Variants in RBM20 observed in about 807,000 individuals in gnomAD.
RBM20 encodes RNA-binding protein 20.
A neutral mutation model predicts 110.1 loss-of-function variants in RBM20; 51 were observed. The ratio of observed to expected loss-of-function variants is 0.46; its 90% CI spans 0.37 to 0.59. The LOEUF is 0.59. Among genes scored for constraint, RBM20 ranks in the 20% least tolerant of loss-of-function variants. The probability of loss-of-function intolerance (pLI) is 0.00; values close to 1 mark genes in which losing one functional copy is unlikely to be tolerated. For missense variants in RBM20, 1,512 were observed against 1,574.9 expected, an observed-to-expected ratio of 0.96 and a Z score of 0.68; for synonymous variants, 589 against 618.2, an observed-to-expected ratio of 0.95 and a Z score of 0.70.
rs567157671 is a variant in RBM20, at chr10:110,644,975, G to A, written c.191+330G>A. On this transcript the variant is annotated intron_variant, in intron 1 of 13. Transcript: ENST00000369519. This position sits in a 1 kb window ranked among gnomAD's most constrained non-coding sequence, Gnocchi z 4.3. ...CTGTATTTCATCTTTCTGGTCCCAA[G>A]AGGACGCTGGAATGGAGAGTCGTGC... 6.6e-6 allele frequency among the ~76,000 whole-genome samples: 1 copy of A among 152,310 alleles called. No individual in the cohort carries two copies. The highest frequency in any genetic ancestry group is 1.9e-4 in the East Asian group (1 of 5,186).
chr10:110,753,211 G>A (rs566271351), intron 1 of RBM20, among the ~76,000 whole-genome samples: 7 of 152,070 alleles, frequency 4.6e-5, no homozygotes, highest in Admixed American at 4.6e-4. Flanking sequence ...GGGATTACAG[G>A]TGTGAGCCAC....
chr10:110,705,775 A>G (rs1027740699), intron 1 of RBM20, among the ~76,000 whole-genome samples: 1 of 152,226 alleles, frequency 6.6e-6, no homozygotes, highest in Non-Finnish European at 1.5e-5. Flanking sequence ...CTTCTCATTG[A>G]CATTGTTTAG....
intron 1 of RBM20, among the ~76,000 whole-genome samples, chr10:110,758,131 G>A (rs1843946072): frequency 7.2e-6 from 1 of 138,886 alleles, no homozygotes; most frequent in Admixed American, 8.1e-5. Context: ...CAATCCTCCT[G>A]TCTCAGCCTC....
intron 1 of RBM20, among the ~76,000 whole-genome samples, chr10:110,697,450 C>T (rs1442842873): frequency 6.6e-6 from 1 of 152,230 alleles, no homozygotes; most frequent in East Asian, 1.9e-4. Flanking sequence ...TTCCTTGGTT[C>T]ACTCTTCAGT....
In RBM20 at chr10:110,812,322, C is replaced by A; in HGVS notation, c.1925C>A (p.Ser642Ter). The change falls in exon 9 of 14, where the codon TCA (serine) becomes TAA (stop). Residue 642 changes from serine (S) to a stop codon, truncating the protein, a stop_gained. Coordinates refer to ENST00000369519, the MANE Select transcript of RBM20 (RefSeq NM_001134363.3). LOFTEE classifies it high-confidence loss of function. ...CGGTCTCGTAGTCCGGTGAGCCGGTCACTCTCCCCGAGGTCCCACACTCCC... is the reference window on the plus strand; with the variant it reads ...CGGTCTCGTAGTCCGGTGAGCCGGTAACTCTCCCCGAGGTCCCACACTCCC... ...RPRSRSPVSR[S>*]LSPRSHTPSF... 6.4e-7 allele frequency: 1 copy of A among 1,551,124 alleles called. No individual in the cohort carries two copies. Among genetic ancestry groups the A allele is most frequent in the South Asian group, 1.2e-5 (1 of 84,034 alleles).
At chr10:110,727,340 G>A (rs1277112798) in intron 1 of RBM20, among the ~76,000 whole-genome samples, 1 of 145,318 alleles carries the variant, frequency 6.9e-6, no homozygotes, top group Admixed American at 7.0e-5. Context: ...GGCTGCAATT[G>A]TATCTTTTTC....
Position 110,812,259 on chromosome 10 carries a change from C to A in RBM20, c.1881-19C>A. ...GGAGGTGTGAAGATTCTAAATCCTGCTCCTTGGCTCCCTCACAGATATGGC... is the reference window on the plus strand; with the variant it reads ...GGAGGTGTGAAGATTCTAAATCCTGATCCTTGGCTCCCTCACAGATATGGC... On this transcript the variant is annotated intron_variant, in intron 8 of 13. Coordinates refer to ENST00000369519, the MANE Select transcript of RBM20 (RefSeq NM_001134363.3). 6.6e-7 allele frequency: 1 copy of A among 1,526,078 alleles called. No homozygotes were observed. Among genetic ancestry groups the A allele is most frequent in the Non-Finnish European group, 8.8e-7 (1 of 1,134,032 alleles). The allele number at this position is 1,526,078 out of a possible 1,614,324, so 94.5% of individuals were successfully genotyped here.
rs543512421 is a variant in RBM20 at position 110,768,195 on chromosome 10, A to G, written c.192-12606A>G. Among the ~76,000 whole-genome samples the G allele has an allele frequency of 4.0e-3, 609 of 152,302 alleles. 5 individuals are homozygous for G. The highest frequency in any genetic ancestry group is 0.014 in the African/African-American group (579 of 41,554). ...GATGGCAGCAGTACAGTCCAGCTTC[A>G]GCTCGGCATCAGAGGTAGACCGTGG... On this transcript the variant is annotated intron_variant, in intron 1 of 13. Coordinates refer to ENST00000369519, the MANE Select transcript of RBM20 (RefSeq NM_001134363.3).
Position 110,707,596 on chromosome 10 carries a change from A to C in RBM20, c.191+62951A>C, listed in dbSNP as rs140652036. On this transcript the variant is annotated intron_variant, in intron 1 of 13. Transcript: ENST00000369519. ...CTATAAAAAGGAGTGAAATCCTGCC[A>C]TTTGCAATAACATGAATGAAACTGG... Among the ~76,000 whole-genome samples the C allele has an allele frequency of 8.7e-5, 13 of 149,758 alleles. No individual in the cohort carries two copies. The East Asian group carries it at 2.5e-3, about 29-fold the overall frequency.
intron 1 of RBM20, among the ~76,000 whole-genome samples, chr10:110,778,512 T>A (rs956526762): frequency 1.3e-5 from 2 of 152,206 alleles, no homozygotes; most frequent in Admixed American, 1.3e-4. Flanking sequence ...TATCATTGGA[T>A]TTTTACTGTA....
At chr10:110,742,104 A>G (rs1416556752) in intron 1 of RBM20, among the ~76,000 whole-genome samples, 2 of 152,188 alleles carry the variant, frequency 1.3e-5, no homozygotes, top group Non-Finnish European at 2.9e-5. Context: ...TTCATGATGT[A>G]GTTCCTGTAA....
intron 1 of RBM20, among the ~76,000 whole-genome samples, chr10:110,764,841 A>G (rs1844058138): frequency 6.6e-6 from 1 of 152,182 alleles, no homozygotes; most frequent in Non-Finnish European, 1.5e-5. Flanking sequence ...GTTGCATGAC[A>G]TCATCCTACC....
At chr10:110,797,755 G>A (rs900455695) in intron 6 of RBM20, 107 bp downstream of exon 6, 1 of 1,186,662 alleles carries the variant, frequency 8.4e-7, no homozygotes, top group Admixed American at 2.4e-5. Flanking sequence ...AAGAGGCGAT[G>A]CCGTAGCTGG....
At chr10:110,646,180 T>C (rs1381770729) in intron 1 of RBM20, among the ~76,000 whole-genome samples, 4 of 152,332 alleles carry the variant, frequency 2.6e-5, no homozygotes, top group Admixed American at 2.6e-4. Flanking sequence ...GTATTGTAAT[T>C]ACCCTGCACT....
intron 1 of RBM20, among the ~76,000 whole-genome samples, chr10:110,671,406 TA>T (rs1485531118): frequency 2.0e-5 from 3 of 152,224 alleles, no homozygotes; most frequent in Admixed American, 1.3e-4. Context: ...TTTAAAAAGT[TA>T]GCAGTAACAT....
At chr10:110,683,624 T>G (rs1198956146) in intron 1 of RBM20, among the ~76,000 whole-genome samples, 1 of 152,258 alleles carries the variant, frequency 6.6e-6, no homozygotes, top group East Asian at 1.9e-4. Flanking sequence ...AACTTTTACT[T>G]GCTCATTTCT....
intron 9 of RBM20, among the ~76,000 whole-genome samples, chr10:110,819,673 A>G (rs1844883452): frequency 2.0e-5 from 3 of 152,160 alleles, no homozygotes; most frequent in Non-Finnish European, 4.4e-5. Context: ...CATAGCCAAG[A>G]TGACTCTGTT....
In RBM20 at chr10:110,836,160, C is replaced by G. The variant is rs1845125812; in HGVS notation, c.*182C>G. On this transcript the variant is annotated 3_prime_UTR_variant, in exon 14 of 14. Transcript: ENST00000369519. The stretch of plus-strand genomic sequence containing the variant: ...AATGCCCCTGATATGTCTCCAGGAG[C>G]AAGTCACCCAGGTGTGTCCAGCCCA... 9 of 460,638 alleles carry G rather than the reference C, an allele frequency of 2.0e-5. No homozygotes were observed. In the East Asian group the frequency reaches 3.2e-4, roughly 16 times the overall value. 28.5% of individuals were successfully genotyped at this position (460,638 alleles called of 1,614,324 possible).
chr10:110,779,005 C>G (rs1243276189), intron 1 of RBM20, among the ~76,000 whole-genome samples: 1 of 152,188 alleles, frequency 6.6e-6, no homozygotes, highest in Non-Finnish European at 1.5e-5. Flanking sequence ...ATTCCTTATA[C>G]TAGTTAGGTT....
Sources: gnomAD v4.1 joint callset for allele counts (sites outside exome capture counted in the v4.1 genomes callset) on GRCh38, gnomAD v4.1.1 for gene constraint, Gnocchi (gnomAD v3.1) non-coding constraint, MANE v1.5 for transcripts, NCBI Gene and HGNC (gene_info 2026-07-23, HGNC 2026-07-21) for gene names.